The following SLC35F3 variants were observed in gnomAD, a reference collection of about 807,000 sequenced individuals.
The protein encoded by SLC35F3 is solute carrier family 35 member F3.
A neutral mutation model predicts 49.9 loss-of-function variants in SLC35F3; 25 were observed. That is an observed-to-expected ratio of 0.50 (90% CI 0.37 to 0.70). SLC35F3 has a LOEUF of 0.70. SLC35F3 is among the 30% of genes least tolerant of loss of function. The pLI, the probability that SLC35F3 is intolerant of heterozygous loss-of-function variation, is 0.00. For missense variants in SLC35F3, 525 were observed against 639.8 expected (o/e 0.82, Z 1.94); for synonymous variants, 275 against 265.4 (o/e 1.04, Z -0.35).
intron 3 of SLC35F3, among the ~76,000 whole-genome samples, chr1:234,294,554 G>A (rs571481014): frequency 7.0e-4 from 107 of 152,298 alleles, no homozygotes; most frequent in African/African-American, 2.4e-3. Flanking sequence ...TCTAAAGTAC[G>A]GAAGTCGGAG....
intron 2 of SLC35F3, among the ~76,000 whole-genome samples, chr1:234,072,709 G>T (rs1476272824): frequency 6.6e-6 from 1 of 152,204 alleles, no homozygotes; most frequent in Non-Finnish European, 1.5e-5. Context: ...ATGAGGCTAT[G>T]CTTGAAGTGT....
chr1:234,109,598 A>G (rs1236762406), intron 2 of SLC35F3, among the ~76,000 whole-genome samples: 1 of 152,206 alleles, frequency 6.6e-6, no homozygotes, highest in South Asian at 2.1e-4. Flanking sequence ...TATCTATAAT[A>G]TGTATGTCCT....
In SLC35F3 at chr1:233,905,087, CGA is replaced by C. The variant is rs781467086; in HGVS notation, c.14_15del (p.Glu5ValfsTer46). 5 of 1,564,226 alleles carry C rather than the reference CGA, an allele frequency of 3.2e-6. No individual in the cohort carries two copies. Among genetic ancestry groups the C allele is most frequent in the Admixed American group, 1.9e-5 (1 of 52,196 alleles). MGIREFPSGAPRGK... is the reference protein window; with the variant it reads MGIXEFPSGAPRGK... The stretch of plus-strand genomic sequence containing the variant: ...CACTCTGTCTTTGCCTATGGGGATT[CGA>C]GAGTTTCCCAGCGGCGCACCCAGGG... On this transcript the variant is annotated frameshift_variant, in exon 1 of 8. Transcript: ENST00000366618. LOFTEE classifies it high-confidence loss of function.
At chr1:233,918,764 C>CTCTCTCTCTCTCTT (rs1662010989) in intron 2 of SLC35F3, among the ~76,000 whole-genome samples, 2 of 139,144 alleles carry the variant, frequency 1.4e-5, no homozygotes, top group Admixed American at 8.1e-5. Context: ...GAGACTCCGT[C>CTCTCTCTCTCTCTT]TCTCTCTCTC....
chr1:234,013,774 C>T (rs369034012), intron 2 of SLC35F3, among the ~76,000 whole-genome samples: 12 of 151,052 alleles, frequency 7.9e-5, no homozygotes, highest in African/African-American at 2.9e-4. Flanking sequence ...ATTACCAAGA[C>T]GGAATTGTGA....
chr1:234,285,482 CAG>C (rs1235222646), intron 3 of SLC35F3: 2 of 389,500 alleles, frequency 5.1e-6, no homozygotes, highest in Admixed American at 3.2e-5. Context: ...CAAGTAAAAA[CAG>C]AAAATTTTGG....
intron 2 of SLC35F3, among the ~76,000 whole-genome samples, chr1:234,158,511 A>T (rs1184407575): frequency 2.6e-5 from 4 of 152,210 alleles, no homozygotes; most frequent in African/African-American, 9.6e-5. Context: ...CATCATAGAC[A>T]TTTCTATATC....
intron 3 of SLC35F3, among the ~76,000 whole-genome samples, chr1:234,273,363 A>T (rs1409039173): frequency 1.3e-5 from 2 of 152,224 alleles, no homozygotes; most frequent in Non-Finnish European, 1.5e-5. Context: ...TGTGAGTGGT[A>T]CAGGGGATGC....
rs143045031 is a variant in SLC35F3 at position 234,236,424 on chromosome 1, C to T, written c.608+4683C>T. 2.1e-3 allele frequency among the ~76,000 whole-genome samples: 322 copies of T among 151,978 alleles called. 10 individuals carry two copies. In the South Asian group the frequency reaches 0.054, roughly 26 times the overall value. On this transcript the variant is annotated intron_variant, in intron 3 of 7. Transcript: ENST00000366618. ...CACTGCACTCCAGCCTGGGTAACAG[C>T]GTGAGACCCTGTCTCAAAACAAAAA... is the stretch of plus-strand genomic sequence containing the variant.
At chr1:233,970,105 A>G (rs1321042825) in intron 2 of SLC35F3, among the ~76,000 whole-genome samples, 1 of 152,180 alleles carries the variant, frequency 6.6e-6, no homozygotes, top group African/African-American at 2.4e-5. Flanking sequence ...GGAGGAAAGG[A>G]GATGATGGGC....
At chr1:234,107,300 G>A (rs1043323752) in intron 2 of SLC35F3, among the ~76,000 whole-genome samples, 1 of 152,186 alleles carries the variant, frequency 6.6e-6, no homozygotes, top group African/African-American at 2.4e-5. Flanking sequence ...CAGTGGGGAA[G>A]GTATTGCAAA....
At chr1:234,171,962 G>A (rs376560845) in intron 2 of SLC35F3, among the ~76,000 whole-genome samples, 7 of 149,406 alleles carry the variant, frequency 4.7e-5, no homozygotes, top group Admixed American at 2.0e-4. Context: ...ACCCCCCACC[G>A]CCCTACTTCC....
intron 2 of SLC35F3, among the ~76,000 whole-genome samples, chr1:234,090,376 T>G (rs1572048174): frequency 6.6e-6 from 1 of 152,270 alleles, no homozygotes; most frequent in East Asian, 1.9e-4. Flanking sequence ...AGATTTGTTC[T>G]GCCAGCATGC....
intron 2 of SLC35F3, among the ~76,000 whole-genome samples, chr1:234,051,537 G>C (rs183913915): frequency 1.6e-3 from 237 of 152,274 alleles, no homozygotes; most frequent in Non-Finnish European, 2.7e-3. Flanking sequence ...AGGAGATTTT[G>C]GGCTGAGATG....
chr1:234,114,322 C>A (rs1055206908), intron 2 of SLC35F3, among the ~76,000 whole-genome samples: 1 of 152,130 alleles, frequency 6.6e-6, no homozygotes, highest in Non-Finnish European at 1.5e-5. Context: ...GCTCCTAATT[C>A]TTGAGTTTTT....
intron 2 of SLC35F3, among the ~76,000 whole-genome samples, chr1:234,099,627 AC>A (rs773359216): frequency 3.3e-4 from 49 of 149,718 alleles, no homozygotes; most frequent in Non-Finnish European, 4.9e-4. Flanking sequence ...AAAAAAAAAA[AC>A]AAAAAAAAGA....
At chr1:233,935,144 T>C (rs72753717) in intron 2 of SLC35F3, among the ~76,000 whole-genome samples, 10,037 of 150,822 alleles carry the variant, frequency 0.067, 397 homozygotes, top group South Asian at 0.13. Context: ...CATCTGGTTC[T>C]ATTGATGGCT....
At chr1:233,927,586 A>G (rs763070509) in intron 2 of SLC35F3, among the ~76,000 whole-genome samples, 2 of 152,150 alleles carry the variant, frequency 1.3e-5, no homozygotes, top group Non-Finnish European at 2.9e-5. Flanking sequence ...AGATGTTTAC[A>G]TAATTTTCAT....
chr1:234,031,710 C>T (rs1664065672), intron 2 of SLC35F3, among the ~76,000 whole-genome samples: 1 of 152,048 alleles, frequency 6.6e-6, no homozygotes, highest in Non-Finnish European at 1.5e-5. Flanking sequence ...GCCCCCAGTC[C>T]AACTCCTCTT....
Sources: gnomAD v4.1 joint callset for allele counts (sites outside exome capture counted in the v4.1 genomes callset) on GRCh38, gnomAD v4.1.1 for gene constraint, MANE v1.5 for transcripts, NCBI Gene and HGNC (gene_info 2026-07-23, HGNC 2026-07-21) for gene names.